The following CNTN6 variants were observed in gnomAD, a reference collection of about 807,000 sequenced individuals.
CNTN6 encodes the protein contactin-6.
Under a neutral mutation model 122.8 loss-of-function variants are expected in CNTN6, and 137 were observed. The ratio of observed to expected loss-of-function variants is 1.12; its 90% CI spans 0.97 to 1.29. The LOEUF (loss-of-function observed/expected upper bound fraction) is 1.29. Ranked by LOEUF, CNTN6 falls within the 50% of genes most tolerant of loss-of-function variation. The pLI is 0.00. For synonymous variants in CNTN6, 570 were observed against 426.0 expected (o/e 1.34, Z -4.16); for missense variants, 1,634 against 1,223.4 (o/e 1.34, Z -5.01).
At chr3:1,127,529 T>C (rs962209687) in intron 1 of CNTN6, among the ~76,000 whole-genome samples, 1 of 151,894 alleles carries the variant, frequency 6.6e-6, no homozygotes, top group African/African-American at 2.4e-5. Context: ...AACAATGAGA[T>C]TCAGTAAAAG....
chr3:1,381,771 C>G (rs1691928633), intron 17 of CNTN6, among the ~76,000 whole-genome samples: 1 of 152,126 alleles, frequency 6.6e-6, no homozygotes, highest in Admixed American at 6.6e-5. Context: ...TCCATGTTCT[C>G]TACTTTTTGC....
intron 16 of CNTN6, among the ~76,000 whole-genome samples, chr3:1,375,980 C>T (rs985400677): frequency 6.6e-6 from 1 of 152,002 alleles, no homozygotes; most frequent in Non-Finnish European, 1.5e-5. Flanking sequence ...TTAAAACTTA[C>T]ATATTTTAAT....
chr3:1,342,902 T>C (rs1692069001), intron 11 of CNTN6, among the ~76,000 whole-genome samples: 1 of 152,144 alleles, frequency 6.6e-6, no homozygotes, highest in Admixed American at 6.6e-5. Flanking sequence ...GGTCTATTTA[T>C]ACTTGAGTTT....
At position 1,146,597 on chromosome 3, in the gene CNTN6, G is replaced by A. The variant is rs369307318; in HGVS notation, c.-82-1330G>A. Among the ~76,000 whole-genome samples, 39 of 151,992 alleles carry A rather than the reference G, an allele frequency of 2.6e-4. No homozygotes were observed. In the South Asian group the frequency reaches 7.1e-3, roughly 28 times the overall value. On this transcript the variant is annotated intron_variant, in intron 1 of 22. Transcript: ENST00000446702. The stretch of plus-strand genomic sequence containing the variant: ...ACTACACAAATATTTTCCTGTGTGC[G>A]TAAGGTTTTTTTTGTTTTGTTTCTC...
At chr3:1,272,427 C>A (rs2095042031) in intron 4 of CNTN6, among the ~76,000 whole-genome samples, 1 of 152,038 alleles carries the variant, frequency 6.6e-6, no homozygotes, top group South Asian at 2.1e-4. Flanking sequence ...GTGTACTTAT[C>A]AGAGCATCTG....
At chr3:1,282,150 C>G (rs549288899) in intron 5 of CNTN6, among the ~76,000 whole-genome samples, 4 of 152,154 alleles carry the variant, frequency 2.6e-5, no homozygotes, top group African/African-American at 7.2e-5. Context: ...GGTCACAACC[C>G]CATGAAACAG....
intron 1 of CNTN6, among the ~76,000 whole-genome samples, chr3:1,103,214 G>A (rs541818559): frequency 6.6e-6 from 1 of 152,330 alleles, no homozygotes; most frequent in Non-Finnish European, 1.5e-5. Flanking sequence ...GGAACATGAA[G>A]GTGTTTTCTA....
chr3:1,356,195 T>A lies in CNTN6; in HGVS notation c.1492+3744T>A, dbSNP rs185976477. Among the ~76,000 whole-genome samples the A allele has an allele frequency of 2.8e-4, 42 of 151,934 alleles. No individual in the cohort carries two copies. In the East Asian group the frequency reaches 5.6e-3, roughly 20 times the overall value. On this transcript the variant is annotated intron_variant, in intron 12 of 22. Transcript: ENST00000446702. ...TTTGATCTGGCATTTGGAAAATTAT[T>A]AAAAAGCAGAGTAACAGCAGGCTAT...
At chr3:1,099,615 C>G (rs2090770939) in intron 1 of CNTN6, among the ~76,000 whole-genome samples, 1 of 152,094 alleles carries the variant, frequency 6.6e-6, no homozygotes, top group Non-Finnish European at 1.5e-5. Flanking sequence ...AAAACTTATA[C>G]ACATTAAGTG....
At chr3:1,298,774 G>C (rs746195302) in intron 7 of CNTN6, among the ~76,000 whole-genome samples, 1 of 152,128 alleles carries the variant, frequency 6.6e-6, no homozygotes, top group Non-Finnish European at 1.5e-5. Context: ...GGTGATGTTT[G>C]ATTCCTCCAT....
chr3:1,119,349 G>GTGTGTGTGTGTGTGTGTGTGTT (rs1253031703), intron 1 of CNTN6, among the ~76,000 whole-genome samples: 3 of 151,306 alleles, frequency 2.0e-5, no homozygotes, highest in Non-Finnish European at 4.4e-5. Flanking sequence ...GTGTGTGTGT[G>GTGTGTGTGTGTGTGTGTGTGTT]TGTGGAGAAT....
chr3:1,197,437 T>G (rs2093794009), intron 2 of CNTN6, among the ~76,000 whole-genome samples: 1 of 152,224 alleles, frequency 6.6e-6, no homozygotes, highest in Non-Finnish European at 1.5e-5. Context: ...GTTTAAATTG[T>G]TAAAGCCAAA....
At chr3:1,114,406 G>T (rs909281555) in intron 1 of CNTN6, among the ~76,000 whole-genome samples, 6 of 152,308 alleles carry the variant, frequency 3.9e-5, no homozygotes, top group East Asian at 1.9e-4. Flanking sequence ...GTAAAGAGAT[G>T]AATAGAAGTA....
intron 17 of CNTN6, among the ~76,000 whole-genome samples, chr3:1,381,185 G>T (rs155393): frequency 1.3e-5 from 2 of 151,958 alleles, no homozygotes; most frequent in Non-Finnish European, 2.9e-5. Flanking sequence ...AATCCGAGAT[G>T]AAAGAAACTT....
intron 4 of CNTN6, among the ~76,000 whole-genome samples, chr3:1,275,685 A>G (rs1257545897): frequency 1.3e-5 from 2 of 152,180 alleles, no homozygotes; most frequent in Admixed American, 1.3e-4. Flanking sequence ...GATGGGAGAC[A>G]GTGACAGATC....
intron 2 of CNTN6, among the ~76,000 whole-genome samples, chr3:1,174,688 T>C (rs1380140347): frequency 1.3e-5 from 2 of 152,170 alleles, no homozygotes; most frequent in African/African-American, 2.4e-5. Flanking sequence ...ACAATACTCA[T>C]GGCTTCACCC....
intron 2 of CNTN6, among the ~76,000 whole-genome samples, chr3:1,189,222 A>C (rs2093667906): frequency 6.6e-6 from 1 of 152,156 alleles, no homozygotes; most frequent in African/African-American, 2.4e-5. Flanking sequence ...TAAGAGACAA[A>C]ATAGCTGAGT....
At chr3:1,361,032 C>G (rs2126103731) in intron 12 of CNTN6, among the ~76,000 whole-genome samples, 1 of 152,178 alleles carries the variant, frequency 6.6e-6, no homozygotes, top group East Asian at 1.9e-4. Context: ...AAACTTTAAG[C>G]CATGCCATCT....
At chr3:1,293,607 T>G (rs1347767826) in intron 5 of CNTN6, among the ~76,000 whole-genome samples, 2 of 152,178 alleles carry the variant, frequency 1.3e-5, no homozygotes, top group Non-Finnish European at 2.9e-5. Context: ...AGTTGGCAAA[T>G]AGCAACTCAG....
Sources: gnomAD v4.1 joint callset for allele counts (sites outside exome capture counted in the v4.1 genomes callset) on GRCh38, gnomAD v4.1.1 for gene constraint, MANE v1.5 for transcripts, NCBI Gene and HGNC (gene_info 2026-07-23, HGNC 2026-07-21) for gene names.